The following STK33 variants were observed in gnomAD, a reference collection of about 807,000 sequenced individuals.
STK33 encodes the protein serine/threonine kinase 33.
A neutral mutation model predicts 58.0 loss-of-function variants in STK33; 52 were observed. That is an observed-to-expected ratio of 0.90 (90% CI 0.72 to 1.13). The LOEUF (loss-of-function observed/expected upper bound fraction) is 1.13. Among genes scored for constraint, STK33 ranks in the 50% most tolerant of loss-of-function variants. The pLI, the probability that STK33 is intolerant of heterozygous loss-of-function variation, is 0.00. For missense variants in STK33, 630 were observed against 604.2 expected (o/e 1.04, Z -0.45); for synonymous variants, 215 against 200.1 (o/e 1.07, Z -0.63).
At chr11:8,532,510 T>C (rs1042392449) in intron 1 of STK33, among the ~76,000 whole-genome samples, 1 of 152,240 alleles carries the variant, frequency 6.6e-6, no homozygotes, top group African/African-American at 2.4e-5. Flanking sequence ...ACCTCAATTA[T>C]ACCTCATTAT....
intron 1 of STK33, among the ~76,000 whole-genome samples, chr11:8,566,267 CCTT>C (rs1268120059): frequency 6.6e-6 from 1 of 152,204 alleles, no homozygotes; most frequent in Non-Finnish European, 1.5e-5. Context: ...TAATTCAACT[CCTT>C]GTTATCTCCA....
intron 1 of STK33, among the ~76,000 whole-genome samples, chr11:8,554,312 G>C (rs935429782): frequency 1.3e-5 from 2 of 151,618 alleles, no homozygotes; most frequent in African/African-American, 4.9e-5. Context: ...CCAGCTACTG[G>C]GGAGGCTGAG....
intron 1 of STK33, among the ~76,000 whole-genome samples, chr11:8,534,837 A>T (rs2140205785): frequency 6.6e-6 from 1 of 152,254 alleles, no homozygotes; most frequent in South Asian, 2.1e-4. Context: ...GTGTATCCCT[A>T]TAAAGTCCTA....
chr11:8,587,681 C>G (rs1486675906), intron 1 of STK33, among the ~76,000 whole-genome samples: 1 of 151,888 alleles, frequency 6.6e-6, no homozygotes, highest in Non-Finnish European at 1.5e-5. Flanking sequence ...CTTCCTGTTT[C>G]TCCCATGAGG....
At chr11:8,582,051 C>T (rs1032383057) in intron 1 of STK33, among the ~76,000 whole-genome samples, 2 of 152,198 alleles carry the variant, frequency 1.3e-5, no homozygotes, top group Non-Finnish European at 2.9e-5. Context: ...ATCTAAGACA[C>T]TAATTGAATG....
the STK33 span, among the ~76,000 whole-genome samples, chr11:8,366,817 C>T: frequency 6.6e-6 from 1 of 152,354 alleles, no homozygotes; most frequent in East Asian, 1.9e-4. Context: ...AATTCCCCAT[C>T]TGTGGGTCCA....
At chr11:8,369,398 G>A in the STK33 span, among the ~76,000 whole-genome samples, 1 of 151,772 alleles carries the variant, frequency 6.6e-6, no homozygotes, top group Non-Finnish European at 1.5e-5. Context: ...AGCCCCAGGG[G>A]CAGTGGGAGG....
At chr11:8,341,853 A>T in the STK33 span, among the ~76,000 whole-genome samples, 17 of 152,220 alleles carry the variant, frequency 1.1e-4, no homozygotes, top group Non-Finnish European at 8.8e-5. Flanking sequence ...TGTTGTGATC[A>T]TGAGAGTTTA....
chr11:8,553,500 T>A (rs1956513832), intron 1 of STK33, among the ~76,000 whole-genome samples: 1 of 151,850 alleles, frequency 6.6e-6, no homozygotes, highest in South Asian at 2.1e-4. Context: ...GGACCACCAC[T>A]GTATACGTGA....
At chr11:8,378,240 C>A in the STK33 span, among the ~76,000 whole-genome samples, 11 of 152,200 alleles carry the variant, frequency 7.2e-5, no homozygotes, top group African/African-American at 2.7e-4. Flanking sequence ...CCTTAAAAAA[C>A]CATCAGATCT....
intron 8 of STK33, 144 bp downstream of exon 8, chr11:8,461,661 C>A: frequency 2.0e-6 from 1 of 489,888 alleles, no homozygotes. Context: ...AAAAGTCCTC[C>A]AGAATGTTCT....
At chr11:8,430,512 T>G in intron 14 of STK33, among the ~76,000 whole-genome samples, 2 of 151,728 alleles carry the variant, frequency 1.3e-5, no homozygotes. Context: ...AAAAGAAAAA[T>G]AATAATAATA....
intron 14 of STK33, among the ~76,000 whole-genome samples, chr11:8,426,398 T>A (rs1163611641): frequency 6.6e-6 from 1 of 152,124 alleles, no homozygotes; most frequent in Admixed American, 6.5e-5. Context: ...AGGCCCAGGA[T>A]GGGGGCATGT....
chr11:8,580,579 G>A (rs1275568249), intron 1 of STK33, among the ~76,000 whole-genome samples: 1 of 152,058 alleles, frequency 6.6e-6, no homozygotes, highest in East Asian at 1.9e-4. Flanking sequence ...GATGACTATA[G>A]TCAAATAATT....
In STK33 at chr11:8,435,530, G is replaced by T; in HGVS notation, c.1110C>A (p.Ile370=). 1 of 1,521,292 alleles carries T rather than the reference G, an allele frequency of 6.6e-7. No homozygotes were observed. The allele number at this position is 1,521,292 out of a possible 1,614,324, so 94.2% of individuals were successfully genotyped here. A position where few individuals can be genotyped will look rare whatever the true frequency, so the allele number is the denominator to read the frequency against. The change falls in exon 14 of 16, where the codon ATC becomes ATA. Residue 370 remains isoleucine (I), a synonymous_variant. Coordinates refer to ENST00000687296, the MANE Select transcript of STK33 (RefSeq NM_001352389.2). ...GGTTATCTAGTAGTTCCTTAGCTGT[G>T]ATTCTGTGAGCAGGATCTACTTTCA... ...QLMKVDPAHR[I]TAKELLDNQW...
At chr11:8,490,146 G>C (rs920947616) in intron 1 of STK33, among the ~76,000 whole-genome samples, 1 of 152,198 alleles carries the variant, frequency 6.6e-6, no homozygotes, top group African/African-American at 2.4e-5. Context: ...AGGGGTCGAG[G>C]GATTTCCCTT....
chr11:8,356,456 T>A, the STK33 span, among the ~76,000 whole-genome samples: 2 of 151,544 alleles, frequency 1.3e-5, no homozygotes, highest in African/African-American at 4.8e-5. Context: ...GCCACTGTCA[T>A]CCTTTCCTGC....
intron 10 of STK33, among the ~76,000 whole-genome samples, chr11:8,454,423 C>A (rs1487285649): frequency 6.6e-6 from 1 of 152,162 alleles, no homozygotes; most frequent in Non-Finnish European, 1.5e-5. Flanking sequence ...TTCTCTAAAT[C>A]TGTAACACAT....
At chr11:8,464,657 C>G in intron 7 of STK33, 52 bp downstream of exon 7, 1 of 1,342,266 alleles carries the variant, frequency 7.5e-7, no homozygotes, top group Non-Finnish European at 1.1e-6. Context: ...CTGTCCACAC[C>G]CACCCTGCAC....
Sources: allele counts gnomAD v4.1 joint callset (sites outside exome capture counted in the v4.1 genomes callset), GRCh38; gene constraint gnomAD v4.1.1; transcripts MANE v1.5; gene names NCBI Gene and HGNC (gene_info 2026-07-23, HGNC 2026-07-21).